Variants in SLC9C1 observed in about 807,000 individuals in gnomAD.
The protein encoded by SLC9C1 is sodium/hydrogen exchanger 10.
SLC9C1 carries 97 observed loss-of-function variants against 140.9 expected under a neutral mutation model. The observed-to-expected ratio is 0.69, with a 90% CI of 0.58 to 0.82. The LOEUF is 0.82. SLC9C1 is among the 40% of genes least tolerant of loss of function. The pLI, the probability that SLC9C1 is intolerant of heterozygous loss-of-function variation, is 0.00. For synonymous variants in SLC9C1, 440 were observed against 442.6 expected (o/e 0.99, Z 0.07); for missense variants, 1,340 against 1,389.3 (o/e 0.96, Z 0.56).
At chr3:112,270,162 G>T in intron 6 of SLC9C1, 85 bp from the exon 7 acceptor site, 2 of 1,343,848 alleles carry the variant, frequency 1.5e-6, no homozygotes, top group Non-Finnish European at 2.0e-6. Flanking sequence ...TTTCCTTTTT[G>T]TCATTATCTT....
At chr3:112,158,506 T>C (rs2075191870) in intron 26 of SLC9C1, among the ~76,000 whole-genome samples, 1 of 152,068 alleles carries the variant, frequency 6.6e-6, no homozygotes, top group Non-Finnish European at 1.5e-5. Flanking sequence ...CTTGTCTGCT[T>C]TTGGTATCAG....
chr3:112,231,274 G>A (rs1277674150), intron 13 of SLC9C1, 87 bp downstream of exon 13: 87 of 1,495,528 alleles, frequency 5.8e-5, no homozygotes, highest in Non-Finnish European at 7.6e-5. Context: ...TCTATTAAGT[G>A]AGCATGATCA....
chr3:112,181,664 G>A (rs1488090562), intron 21 of SLC9C1, among the ~76,000 whole-genome samples: 1 of 152,122 alleles, frequency 6.6e-6, no homozygotes, highest in African/African-American at 2.4e-5. Flanking sequence ...CAGCAATATT[G>A]GTCCTCTGAA....
chr3:112,182,732 A>T (rs1003221041), intron 20 of SLC9C1, among the ~76,000 whole-genome samples: 8 of 152,198 alleles, frequency 5.3e-5, no homozygotes, highest in African/African-American at 1.9e-4. Flanking sequence ...TTAATAAAAC[A>T]TTTGCTTCAC....
At chr3:112,280,148 C>A (rs770221602) in intron 3 of SLC9C1, among the ~76,000 whole-genome samples, 5 of 152,200 alleles carry the variant, frequency 3.3e-5, no homozygotes, top group Non-Finnish European at 5.9e-5. Flanking sequence ...GAAAGTCAAT[C>A]ATTTCAGACA....
intron 20 of SLC9C1, among the ~76,000 whole-genome samples, chr3:112,196,194 T>C (rs1401776253): frequency 6.6e-6 from 1 of 152,146 alleles, no homozygotes; most frequent in Non-Finnish European, 1.5e-5. Context: ...ACTTTTTTTT[T>C]TTTCCACTTC....
intron 5 of SLC9C1, among the ~76,000 whole-genome samples, chr3:112,276,413 C>T (rs370830445): frequency 2.0e-5 from 3 of 151,388 alleles, no homozygotes; most frequent in African/African-American, 7.3e-5. Context: ...TACACACGTA[C>T]ACACACATAC....
At chr3:112,231,305 A>C (rs572274385) in intron 13 of SLC9C1, 56 bp downstream of exon 13, 2 of 1,599,644 alleles carry the variant, frequency 1.3e-6, no homozygotes, top group African/African-American at 2.7e-5. Context: ...ATAAAGGAGG[A>C]ATTTTTCAAC....
intron 20 of SLC9C1, among the ~76,000 whole-genome samples, chr3:112,192,138 T>C (rs1016164848): frequency 6.6e-6 from 1 of 151,972 alleles, no homozygotes; most frequent in African/African-American, 2.4e-5. Flanking sequence ...TGGCTAAGGC[T>C]CCCTTCATTT....
intron 15 of SLC9C1, among the ~76,000 whole-genome samples, chr3:112,213,125 G>A (rs1258097052): frequency 6.6e-6 from 1 of 152,158 alleles, no homozygotes; most frequent in Non-Finnish European, 1.5e-5. Context: ...AAGTGAAGGA[G>A]AAATAAAATC....
chr3:112,185,686 C>T, intron 20 of SLC9C1: 1 of 1,548,624 alleles, frequency 6.5e-7, no homozygotes. Flanking sequence ...CGGAGGCGTG[C>T]ACGCTCGTGC....
chr3:112,203,826 T>C (rs919275420), intron 17 of SLC9C1, among the ~76,000 whole-genome samples: 2 of 151,978 alleles, frequency 1.3e-5, no homozygotes, highest in African/African-American at 2.4e-5. Context: ...TTTGTATAAA[T>C]GTAGGATATT....
At chr3:112,226,016 A>C (rs989588055) in intron 13 of SLC9C1, among the ~76,000 whole-genome samples, 1 of 152,166 alleles carries the variant, frequency 6.6e-6, no homozygotes, top group African/African-American at 2.4e-5. Context: ...ATCTACACAG[A>C]AAATCAACAA....
At chr3:112,179,732 A>C (rs1441445708) in intron 22 of SLC9C1, 31 bp from the exon 23 acceptor site, 3 of 1,541,676 alleles carry the variant, frequency 1.9e-6, no homozygotes, top group African/African-American at 1.4e-5. Flanking sequence ...AGAAAAATAC[A>C]TATGCCAGTT....
At chr3:112,156,197 A>G (rs770830031) in intron 26 of SLC9C1, among the ~76,000 whole-genome samples, 3 of 152,026 alleles carry the variant, frequency 2.0e-5, no homozygotes, top group Non-Finnish European at 4.4e-5. Flanking sequence ...ATGGTACTCT[A>G]TACTTCTATG....
chr3:112,203,111 T>C (rs2077950178), intron 17 of SLC9C1, among the ~76,000 whole-genome samples: 1 of 152,036 alleles, frequency 6.6e-6, no homozygotes, highest in African/African-American at 2.4e-5. Context: ...TATCCTACCA[T>C]ATAACATTTC....
Position 112,280,777 on chromosome 3 carries a change from A to C in SLC9C1, c.95T>G (p.Leu32Trp), listed in dbSNP as rs2080336387. Residue 32 changes from leucine (L) to tryptophan (W), a missense_variant, in exon 3 of 29, where the codon TTG becomes TGG. Transcript: ENST00000305815. ...TGGAAAGTCTTCCAAGTGCCGGTTC[A>C]AAAATGCTGCAAAAAATATGTTGTT... ...LSLISSIGAF[L>W]NRHLEDFPIP... The C allele has an allele frequency of 6.2e-7, 1 of 1,609,930 alleles. No homozygotes were observed.
intron 15 of SLC9C1, among the ~76,000 whole-genome samples, chr3:112,209,222 T>C (rs1457385143): frequency 1.3e-5 from 2 of 150,046 alleles, no homozygotes; most frequent in Non-Finnish European, 3.0e-5. Context: ...GAAAAAAAAA[T>C]ATGATGAAAT....
At chr3:112,190,928 A>AACACACACACACACAC (rs56930611) in intron 20 of SLC9C1, among the ~76,000 whole-genome samples, 15 of 138,682 alleles carry the variant, frequency 1.1e-4, no homozygotes, top group African/African-American at 2.9e-4. Flanking sequence ...ACTTTTTTTA[A>AACACACACACACACAC]ACACACACAC....
Sources: gnomAD v4.1 joint callset for allele counts (sites outside exome capture counted in the v4.1 genomes callset) on GRCh38, gnomAD v4.1.1 for gene constraint, MANE v1.5 for transcripts, NCBI Gene and HGNC (gene_info 2026-07-23, HGNC 2026-07-21) for gene names.